Variants in PDE7B observed in about 807,000 individuals in gnomAD.
PDE7B encodes the protein 3',5'-cyclic-AMP phosphodiesterase 7B.
PDE7B carries 29 observed loss-of-function variants against 56.2 expected under a neutral mutation model. That is an observed-to-expected ratio of 0.52 (90% CI 0.38 to 0.70). The LOEUF is 0.70. Ranked by LOEUF, PDE7B falls within the 30% of genes least tolerant of loss-of-function variation. The probability of loss-of-function intolerance (pLI) is 0.00; values close to 1 mark genes in which losing one functional copy is unlikely to be tolerated. For synonymous variants in PDE7B, 197 were observed against 196.9 expected (o/e 1.00, Z 0.00); for missense variants, 490 against 565.0 (o/e 0.87, Z 1.35).
chr6:136,108,262 C>T (rs1038087411), intron 2 of PDE7B, among the ~76,000 whole-genome samples: 3 of 151,996 alleles, frequency 2.0e-5, no homozygotes, highest in Non-Finnish European at 2.9e-5. Context: ...GCCTGTGAGC[C>T]GATTCTAAAG....
intron 3 of PDE7B, chr6:136,115,098 G>T (rs1205566825): frequency 6.6e-6 from 1 of 152,188 alleles, no homozygotes; most frequent in East Asian, 1.9e-4. Flanking sequence ...AGATGAATGA[G>T]ACATGGCCAC....
chr6:135,947,896 C>T (rs535920126), intron 2 of PDE7B, among the ~76,000 whole-genome samples: 12 of 152,146 alleles, frequency 7.9e-5, no homozygotes, highest in African/African-American at 2.9e-4. Flanking sequence ...GTCCTTACAT[C>T]ACAGTACAAA....
At chr6:136,134,361 C>T (rs1778172126) in intron 3 of PDE7B, among the ~76,000 whole-genome samples, 1 of 152,078 alleles carries the variant, frequency 6.6e-6, no homozygotes, top group African/African-American at 2.4e-5. Flanking sequence ...CAGTTTTTAA[C>T]CTCTGGAGAC....
At chr6:136,191,086 A>C (rs916660326) in intron 12 of PDE7B, among the ~76,000 whole-genome samples, 4 of 136,030 alleles carry the variant, frequency 2.9e-5, no homozygotes, top group African/African-American at 1.1e-4. Flanking sequence ...ATTCACTGGG[A>C]GTTTACTATG....
At chr6:136,153,877 T>C (rs539540205) in intron 6 of PDE7B, among the ~76,000 whole-genome samples, 198 bp from the exon 7 acceptor site, 2 of 152,312 alleles carry the variant, frequency 1.3e-5, no homozygotes, top group Non-Finnish European at 2.9e-5. Context: ...TCCCCTCTGC[T>C]GTCCATCTCT....
At chr6:135,985,788 C>A (rs563563516) in intron 2 of PDE7B, among the ~76,000 whole-genome samples, 6 of 152,178 alleles carry the variant, frequency 3.9e-5, no homozygotes, top group Non-Finnish European at 7.3e-5. Flanking sequence ...CTTTCTTCGA[C>A]GTACTACCAA....
chr6:136,003,527 C>T (rs557143487), intron 2 of PDE7B, among the ~76,000 whole-genome samples: 8 of 152,272 alleles, frequency 5.3e-5, no homozygotes, highest in Admixed American at 1.3e-4. Flanking sequence ...GATATCACCA[C>T]CGATCCCACA....
intron 2 of PDE7B, among the ~76,000 whole-genome samples, chr6:136,010,762 G>A (rs968365647): frequency 1.3e-5 from 2 of 152,018 alleles, no homozygotes; most frequent in Admixed American, 6.6e-5. Flanking sequence ...ATGAGATTTG[G>A]GTGGGAACAC....
chr6:136,015,030 T>C (rs575244344), intron 2 of PDE7B, among the ~76,000 whole-genome samples: 2 of 152,362 alleles, frequency 1.3e-5, no homozygotes, highest in South Asian at 4.1e-4. Flanking sequence ...CGTGTGCGTG[T>C]ACGTGTGCAA....
At chr6:136,136,757 TG>T (rs1355778375) in intron 3 of PDE7B, among the ~76,000 whole-genome samples, 2 of 131,942 alleles carry the variant, frequency 1.5e-5, no homozygotes, top group African/African-American at 2.9e-5. Flanking sequence ...AAATAAATAA[TG>T]AAAAAAAAAA....
chr6:136,113,834 T>C (rs559568752), intron 3 of PDE7B, among the ~76,000 whole-genome samples: 1 of 152,322 alleles, frequency 6.6e-6, no homozygotes, highest in South Asian at 2.1e-4. Flanking sequence ...AGCAGCCCCG[T>C]CTACAGCTCT....
intron 1 of PDE7B, among the ~76,000 whole-genome samples, chr6:135,909,136 T>C (rs866609624): frequency 6.6e-6 from 1 of 152,144 alleles, no homozygotes; most frequent in Non-Finnish European, 1.5e-5. Context: ...TTGTGGGGCA[T>C]GTAAAATTGT....
At chr6:136,185,112 G>A (rs774321352) in intron 11 of PDE7B, among the ~76,000 whole-genome samples, 2 of 152,152 alleles carry the variant, frequency 1.3e-5, no homozygotes, top group Non-Finnish European at 2.9e-5. Flanking sequence ...CCCTCAGAAG[G>A]CTATGATCAT....
chr6:135,876,966 T>A (rs559420400), intron 1 of PDE7B, among the ~76,000 whole-genome samples: 83 of 152,348 alleles, frequency 5.4e-4, no homozygotes, highest in African/African-American at 1.9e-3. Flanking sequence ...AGATTTCTCT[T>A]CCAGTTCAGT....
intron 2 of PDE7B, among the ~76,000 whole-genome samples, chr6:136,098,837 A>G (rs1291502082): frequency 6.6e-6 from 1 of 151,940 alleles, no homozygotes; most frequent in Non-Finnish European, 1.5e-5. Context: ...CAGGTTTGTT[A>G]CATAGTTATA....
At chr6:136,148,392 AAAGGAAAGAAAG>A (rs1298486719) in intron 4 of PDE7B, among the ~76,000 whole-genome samples, 1 of 142,874 alleles carries the variant, frequency 7.0e-6, no homozygotes, top group Non-Finnish European at 1.5e-5. Flanking sequence ...AGAAAGAAGG[AAAGGAAAGAAAG>A]AAGGAAAGGA....
rs553026369 is a variant in PDE7B, at chr6:135,900,111, T to TA, written c.22-47346dup. 8.4e-4 allele frequency among the ~76,000 whole-genome samples: 128 copies of TA among 152,178 alleles called. 1 individual carries two copies. Among genetic ancestry groups the TA allele is most frequent in the African/African-American group, 2.8e-3 (118 of 41,536 alleles). On this transcript the variant is annotated intron_variant, in intron 1 of 12. Coordinates refer to ENST00000308191, the MANE Select transcript of PDE7B (RefSeq NM_018945.4). Reference sequence around the variant, plus strand: ...TTTCCCCCGTGTGTTCTGGTTTTTTTAAAAAAACATTATCTTTTAAAAAGG... The same window carrying TA: ...TTTCCCCCGTGTGTTCTGGTTTTTTTAAAAAAAACATTATCTTTTAAAAAGG...
chr6:136,031,369 A>T (rs1160174419), intron 2 of PDE7B, among the ~76,000 whole-genome samples: 1 of 152,210 alleles, frequency 6.6e-6, no homozygotes, highest in Non-Finnish European at 1.5e-5. Context: ...TCAAATGCAC[A>T]TTAATATTTG....
chr6:136,133,795 G>A (rs1254118843), intron 3 of PDE7B, among the ~76,000 whole-genome samples: 2 of 152,142 alleles, frequency 1.3e-5, no homozygotes, highest in African/African-American at 4.8e-5. Flanking sequence ...AGGAGCCCAG[G>A]AGGAAATACT....
Sources: gnomAD v4.1 joint callset for allele counts (sites outside exome capture counted in the v4.1 genomes callset) on GRCh38, gnomAD v4.1.1 for gene constraint, MANE v1.5 for transcripts, NCBI Gene and HGNC (gene_info 2026-07-23, HGNC 2026-07-21) for gene names.